Variants in LINGO2 observed in about 807,000 individuals in gnomAD.
LINGO2 encodes leucine-rich repeat and immunoglobulin-like domain-containing nogo receptor-interacting protein 2.
In LINGO2, 14 loss-of-function variants were observed where a neutral mutation model predicts 30.6. The ratio of observed to expected loss-of-function variants is 0.46; its 90% CI spans 0.30 to 0.72. The LOEUF is 0.72. Among genes scored for constraint, LINGO2 ranks in the 30% least tolerant of loss-of-function variants. LINGO2 has a pLI of 0.07. For synonymous variants in LINGO2, 317 were observed against 288.5 expected, an observed-to-expected ratio of 1.10 and a Z score of -1.00; for missense variants, 729 against 751.7, an observed-to-expected ratio of 0.97 and a Z score of 0.35.
intron 3 of LINGO2, among the ~76,000 whole-genome samples, chr9:28,341,833 C>A (rs1407298127): frequency 1.3e-5 from 2 of 152,130 alleles, no homozygotes; most frequent in Non-Finnish European, 2.9e-5. Flanking sequence ...TCAACTTTAG[C>A]ATCCCTTTAC....
intron 4 of LINGO2, among the ~76,000 whole-genome samples, chr9:28,267,268 T>A (rs1015321861): frequency 7.9e-5 from 12 of 151,994 alleles, no homozygotes; most frequent in African/African-American, 2.2e-4. Context: ...ACCACCATTT[T>A]TTTTTCTGTC....
At chr9:28,384,138 G>GA (rs1821473908) in intron 2 of LINGO2, among the ~76,000 whole-genome samples, 1 of 151,402 alleles carries the variant, frequency 6.6e-6, no homozygotes, top group Non-Finnish European at 1.5e-5. Context: ...TAGACAATTT[G>GA]AAAATTGCAT....
the LINGO2 span, among the ~76,000 whole-genome samples, chr9:29,210,111 T>C: frequency 6.6e-6 from 1 of 152,214 alleles, no homozygotes; most frequent in Non-Finnish European, 1.5e-5. Context: ...CTTCTTATTC[T>C]TGACATGAAG....
chr9:28,699,850 C>T, the LINGO2 span, among the ~76,000 whole-genome samples: 2 of 151,928 alleles, frequency 1.3e-5, no homozygotes, highest in Admixed American at 1.3e-4. Flanking sequence ...TACCCTCAGG[C>T]TTACTAGGAC....
intron 4 of LINGO2, among the ~76,000 whole-genome samples, chr9:28,046,538 G>C (rs1237273898): frequency 6.6e-6 from 1 of 152,108 alleles, no homozygotes; most frequent in Non-Finnish European, 1.5e-5. Context: ...TTTTTCCTCT[G>C]CTTAAACACT....
chr9:28,863,612 T>TCGGTGGTCG, the LINGO2 span: 1 of 509,052 alleles, frequency 2.0e-6, no homozygotes, highest in South Asian at 1.5e-5. Flanking sequence ...GTAGATCAAC[T>TCGGTGGTCG]GCAGAAGCAC....
intron 4 of LINGO2, among the ~76,000 whole-genome samples, chr9:28,193,647 C>T (rs1468177918): frequency 6.6e-6 from 1 of 152,168 alleles, no homozygotes; most frequent in East Asian, 1.9e-4. Context: ...TTCTACTTAG[C>T]GATTGCTGTA....
intron 2 of LINGO2, among the ~76,000 whole-genome samples, chr9:28,436,504 C>G (rs1029618670): frequency 6.6e-6 from 1 of 151,780 alleles, no homozygotes; most frequent in South Asian, 2.1e-4. Context: ...GTCGCCAAGG[C>G]TGGAATGCAG....
chr9:29,024,239 A>G, the LINGO2 span, among the ~76,000 whole-genome samples: 1 of 152,112 alleles, frequency 6.6e-6, no homozygotes, highest in Admixed American at 6.6e-5. Flanking sequence ...ACTTCAAGTG[A>G]CATGCATGAT....
At chr9:28,467,227 G>A (rs754139189) in intron 2 of LINGO2, among the ~76,000 whole-genome samples, 6 of 151,904 alleles carry the variant, frequency 3.9e-5, no homozygotes, top group African/African-American at 7.3e-5. Context: ...GGGTTTCACC[G>A]TGTTAGCCAG....
At chr9:29,166,907 T>A in the LINGO2 span, among the ~76,000 whole-genome samples, 4 of 152,166 alleles carry the variant, frequency 2.6e-5, no homozygotes, top group South Asian at 8.3e-4. Context: ...ACTAAAAATA[T>A]AAGCAGGCAG....
At chr9:28,452,555 C>G (rs960520057) in intron 2 of LINGO2, among the ~76,000 whole-genome samples, 1 of 151,782 alleles carries the variant, frequency 6.6e-6, no homozygotes, top group African/African-American at 2.4e-5. Flanking sequence ...TATTCTTTAT[C>G]CCCTACCTCA....
At chr9:29,138,194 A>G in the LINGO2 span, among the ~76,000 whole-genome samples, 1 of 152,134 alleles carries the variant, frequency 6.6e-6, no homozygotes, top group South Asian at 2.1e-4. Context: ...ATATATAATA[A>G]TAGCAATGTG....
chr9:28,257,065 A>C (rs1419881297), intron 4 of LINGO2, among the ~76,000 whole-genome samples: 1 of 151,448 alleles, frequency 6.6e-6, no homozygotes, highest in Non-Finnish European at 1.5e-5. Flanking sequence ...TTATGTAATC[A>C]ATCCCCATGG....
chr9:29,163,045 A>G, the LINGO2 span, among the ~76,000 whole-genome samples: 1 of 152,178 alleles, frequency 6.6e-6, no homozygotes, highest in East Asian at 1.9e-4. Context: ...TTTCCCCCTC[A>G]GTATAAAACA....
At chr9:28,979,535 T>C in the LINGO2 span, among the ~76,000 whole-genome samples, 1 of 151,974 alleles carries the variant, frequency 6.6e-6, no homozygotes, top group Non-Finnish European at 1.5e-5. Context: ...CACACACACG[T>C]GGCCTTGAAA....
intron 1 of LINGO2, among the ~76,000 whole-genome samples, chr9:28,535,657 C>A (rs561123948): frequency 4.6e-5 from 7 of 152,120 alleles, no homozygotes; most frequent in African/African-American, 1.7e-4. Context: ...AATACCACAT[C>A]CATGTGCACA....
chr9:27,994,160 CG>C (rs1447554112), intron 5 of LINGO2, among the ~76,000 whole-genome samples: 2 of 151,660 alleles, frequency 1.3e-5, no homozygotes, highest in Admixed American at 1.3e-4. Context: ...TAGTACTAAA[CG>C]GAAATTTATA....
At chr9:28,086,504 A>G (rs2133241523) in intron 4 of LINGO2, among the ~76,000 whole-genome samples, 1 of 152,232 alleles carries the variant, frequency 6.6e-6, no homozygotes, top group East Asian at 1.9e-4. Flanking sequence ...GGGCATATCC[A>G]TGTGTGAAAG....
Sources: allele counts gnomAD v4.1 joint callset (sites outside exome capture counted in the v4.1 genomes callset), GRCh38; gene constraint gnomAD v4.1.1; transcripts MANE v1.5; gene names NCBI Gene and HGNC (gene_info 2026-07-23, HGNC 2026-07-21).